The following CLCN3 variants were observed in gnomAD, a reference collection of about 807,000 sequenced individuals.
CLCN3 encodes the protein H(+)/Cl(-) exchange transporter 3.
In CLCN3, 16 loss-of-function variants were observed where a neutral mutation model predicts 83.4. The observed-to-expected ratio is 0.19, with a 90% CI of 0.13 to 0.29. The LOEUF is 0.29. Among genes scored for constraint, CLCN3 ranks in the 10% least tolerant of loss-of-function variants. The probability of loss-of-function intolerance (pLI) is 1.00; values close to 1 mark genes in which losing one functional copy is unlikely to be tolerated. For synonymous variants in CLCN3, 322 were observed against 346.2 expected (o/e 0.93, Z 0.78); for missense variants, 544 against 1,006.0 (o/e 0.54, Z 6.21).
chr4:169,698,630 A>G (rs1434784511), intron 9 of CLCN3, among the ~76,000 whole-genome samples: 1 of 152,228 alleles, frequency 6.6e-6, no homozygotes, highest in Non-Finnish European at 1.5e-5. Flanking sequence ...GGACAAGTGT[A>G]AGAGAATTCA....
chr4:169,722,909 A>C lies in CLCN3; in HGVS notation c.*2912A>C, dbSNP rs192386343. On this transcript the variant is annotated 3_prime_UTR_variant, in exon 13 of 13. Transcript: ENST00000513761. ...AAATTGTTGTGCCTGGCTAATTGGC[A>C]AATTAATTTACCAATATAATAAGTG... is the stretch of plus-strand genomic sequence containing the variant. 6.6e-6 allele frequency: 1 copy of C among 152,330 alleles called. No individual in the cohort carries two copies. The highest frequency in any genetic ancestry group is 6.5e-5 in the Admixed American group (1 of 15,302). 9.4% of individuals were successfully genotyped at this position (152,330 alleles called of 1,614,324 possible). A position where few individuals can be genotyped will look rare whatever the true frequency, so the allele number is the denominator to read the frequency against.
intron 7 of CLCN3, among the ~76,000 whole-genome samples, chr4:169,694,541 A>T (rs1732493819): frequency 6.6e-6 from 1 of 152,232 alleles, no homozygotes; most frequent in Non-Finnish European, 1.5e-5. Context: ...AAGTAGTGAA[A>T]GTAATACAGA....
At chr4:169,685,675 C>T (rs78422846) in intron 3 of CLCN3, among the ~76,000 whole-genome samples, 3,991 of 152,094 alleles carry the variant, frequency 0.026, 79 homozygotes, top group South Asian at 0.081. Flanking sequence ...ATCTTTTTTA[C>T]TTGGTACACT....
chr4:169,673,739 A>G (rs1399619304), intron 2 of CLCN3, among the ~76,000 whole-genome samples: 1 of 152,152 alleles, frequency 6.6e-6, no homozygotes, highest in African/African-American at 2.4e-5. Context: ...AGAATCCCAT[A>G]TACCTGTCAC....
In CLCN3 at chr4:169,680,094, A is replaced by G. The variant is rs771793397; in HGVS notation, c.205A>G (p.Thr69Ala). The G allele has an allele frequency of 6.2e-7, 1 of 1,612,078 alleles. No homozygotes were observed. The highest frequency in any genetic ancestry group is 1.7e-5 in the Admixed American group (1 of 60,024). Residue 69 changes from threonine to alanine, a missense_variant, in exon 3 of 13, where the codon ACA (threonine) becomes GCA (alanine). By Grantham distance (58) the Thr-to-Ala change is moderately conservative. Coordinates refer to ENST00000513761, the MANE Select transcript of CLCN3 (RefSeq NM_001829.4). ...MTNGGSINSSTHLLDLLDEPI... is the reference protein window; with the variant it reads ...MTNGGSINSSAHLLDLLDEPI... The stretch of plus-strand genomic sequence containing the variant: ...AAATGGAGGCAGCATTAACAGTTCT[A>G]CACATTTACTGGATCTTTTGGATGA...
intron 2 of CLCN3, among the ~76,000 whole-genome samples, chr4:169,668,249 A>T (rs1731326337): frequency 6.6e-6 from 1 of 151,902 alleles, no homozygotes; most frequent in Non-Finnish European, 1.5e-5. Context: ...TCCTGGGCTC[A>T]GATGATATAG....
At chr4:169,719,209 T>C (rs1381671748) in intron 12 of CLCN3, among the ~76,000 whole-genome samples, 1 of 152,252 alleles carries the variant, frequency 6.6e-6, no homozygotes, top group Non-Finnish European at 1.5e-5. Flanking sequence ...CTCACGCCTG[T>C]AATCCCCAGC....
At position 169,621,146 on chromosome 4, in the gene CLCN3, T is replaced by G. The variant is rs187367898; in HGVS notation, c.-17+83T>G. The stretch of plus-strand genomic sequence containing the variant: ...CAACTGTGAGGCCACAGCGCTCATC[T>G]TGGTTTCTCTTACAATGTACCTACA... On this transcript the variant is annotated intron_variant, in intron 1 of 12. Coordinates refer to ENST00000513761, the MANE Select transcript of CLCN3 (RefSeq NM_001829.4). 1.3e-3 allele frequency: 495 copies of G among 382,844 alleles called. 4 individuals are homozygous for G. Among genetic ancestry groups the G allele is most frequent in the African/African-American group, 9.5e-3 (462 of 48,462 alleles). 23.7% of individuals were successfully genotyped at this position (382,844 alleles called of 1,614,324 possible).
chr4:169,672,367 T>C (rs569063502), intron 2 of CLCN3, among the ~76,000 whole-genome samples: 3 of 152,194 alleles, frequency 2.0e-5, no homozygotes, highest in African/African-American at 7.2e-5. Flanking sequence ...CTCAAACCCC[T>C]GGTCTCAAGT....
At chr4:169,624,877 T>G (rs1773193548) in intron 1 of CLCN3, among the ~76,000 whole-genome samples, 1 of 152,144 alleles carries the variant, frequency 6.6e-6, no homozygotes, top group Non-Finnish European at 1.5e-5. Context: ...CCTCAGTCTC[T>G]GCCTCCTGGG....
At position 169,717,826 on chromosome 4, in the gene CLCN3, T is replaced by C. The variant is rs143502018; in HGVS notation, c.2367-2081T>C. ...GGGGATCATCACAAAGAAGAACATA[T>C]TAGAGCATCTCGAGCAACTAAAGCA... On this transcript the variant is annotated intron_variant, in intron 12 of 12. Coordinates refer to ENST00000513761, the MANE Select transcript of CLCN3 (RefSeq NM_001829.4). 1.3e-3 allele frequency: 2,067 copies of C among 1,613,316 alleles called. 14 individuals carry two copies. The highest frequency in any genetic ancestry group is 4.1e-3 in the Middle Eastern group (25 of 6,062).
intron 2 of CLCN3, among the ~76,000 whole-genome samples, chr4:169,667,985 T>C (rs2331719): frequency 0.46 from 68,116 of 148,950 alleles, 16,052 homozygotes; most frequent in South Asian, 0.53. Context: ...GTGATCCACC[T>C]GCCTCAGCCT....
At chr4:169,659,969 T>G in intron 2 of CLCN3, 1 of 860,138 alleles carries the variant, frequency 1.2e-6, no homozygotes, top group South Asian at 5.4e-5. Flanking sequence ...ATATTTATCT[T>G]AAAACCAAAA....
At chr4:169,671,696 G>A (rs1339029774) in intron 2 of CLCN3, among the ~76,000 whole-genome samples, 2 of 152,120 alleles carry the variant, frequency 1.3e-5, no homozygotes, top group East Asian at 3.8e-4. Context: ...TGTTCTCCAT[G>A]CTCTGCTGTG....
At chr4:169,679,670 C>T (rs186107887) in intron 2 of CLCN3, among the ~76,000 whole-genome samples, 1 of 152,302 alleles carries the variant, frequency 6.6e-6, no homozygotes, top group African/African-American at 2.4e-5. Flanking sequence ...GGGCAGATCA[C>T]TCGAGGTCAG....
intron 9 of CLCN3, among the ~76,000 whole-genome samples, chr4:169,699,856 C>A (rs1732708436): frequency 6.6e-6 from 1 of 152,010 alleles, no homozygotes; most frequent in African/African-American, 2.4e-5. Flanking sequence ...CACTCCAGCC[C>A]AGGCAACAGG....
At chr4:169,678,997 G>A (rs1405599432) in intron 2 of CLCN3, among the ~76,000 whole-genome samples, 3 of 151,894 alleles carry the variant, frequency 2.0e-5, no homozygotes, top group South Asian at 4.1e-4. Flanking sequence ...GCCGGGCGGA[G>A]GCGCCCCCCA....
intron 2 of CLCN3, among the ~76,000 whole-genome samples, chr4:169,643,442 C>T (rs2150207639): frequency 6.6e-6 from 1 of 152,244 alleles, no homozygotes; most frequent in African/African-American, 2.4e-5. Context: ...GTTAGTCAAG[C>T]TGGTCTCAAA....
intron 3 of CLCN3, 139 bp downstream of exon 3, chr4:169,680,346 G>GT (rs1581242652): frequency 1.6e-6 from 1 of 625,996 alleles, no homozygotes; most frequent in Non-Finnish European, 2.7e-6. Flanking sequence ...TGTGGTACAT[G>GT]TTTTTTTCTT....
Sources: allele counts gnomAD v4.1 joint callset (sites outside exome capture counted in the v4.1 genomes callset), GRCh38; gene constraint gnomAD v4.1.1; transcripts MANE v1.5; gene names NCBI Gene and HGNC (gene_info 2026-07-23, HGNC 2026-07-21).